DSCAM: variants seen among roughly 807,000 people sequenced by gnomAD.
DSCAM encodes cell adhesion molecule DSCAM.
A neutral mutation model predicts 217.7 loss-of-function variants in DSCAM; 47 were observed. The ratio of observed to expected loss-of-function variants is 0.22; its 90% confidence interval spans 0.17 to 0.28. DSCAM has a LOEUF of 0.28. Ranked by LOEUF, DSCAM falls within the 10% of genes least tolerant of loss-of-function variation. The pLI is 1.00. For missense variants in DSCAM, 2,080 were observed against 2,618.3 expected (o/e 0.79, Z 4.49); for synonymous variants, 1,056 against 1,015.3 (o/e 1.04, Z -0.76).
rs57564776 is a variant in DSCAM, at chr21:40,493,863, C to CAAA, written c.509-124621_509-124619dup. On this transcript the variant is annotated intron_variant, in intron 3 of 32. Transcript: ENST00000400454. ...GGGCAACAAGAGCAAAACTCCATCT[C>CAAA]AAAAAAAAAAAAAAAAATATATACA... Among the ~76,000 whole-genome samples, 94 of 125,400 alleles carry CAAA rather than the reference C, an allele frequency of 7.5e-4. 2 individuals carry two copies. The highest frequency in any genetic ancestry group is 7.0e-3 in the East Asian group (28 of 3,988). 82.3% of individuals were successfully genotyped at this position (125,400 alleles called of 152,430 possible). A position where few individuals can be genotyped will look rare whatever the true frequency, so the allele number is the denominator to read the frequency against.
intron 3 of DSCAM, among the ~76,000 whole-genome samples, chr21:40,636,175 A>C (rs1257612071): frequency 6.6e-6 from 1 of 152,168 alleles, no homozygotes; most frequent in Admixed American, 6.5e-5. Flanking sequence ...AGCACTCGCT[A>C]TCTCTGCTGC....
intron 19 of DSCAM, among the ~76,000 whole-genome samples, chr21:40,128,229 A>G (rs2090116965): frequency 6.7e-6 from 1 of 148,206 alleles, no homozygotes; most frequent in African/African-American, 2.5e-5. Context: ...TCTGGAACAT[A>G]CTAGATCCTC....
At chr21:40,841,473 GAGATA>G (rs2092100903) in intron 1 of DSCAM, among the ~76,000 whole-genome samples, 1 of 152,218 alleles carries the variant, frequency 6.6e-6, no homozygotes, top group African/African-American at 2.4e-5. Context: ...GGGGCGCGGA[GAGATA>G]AGATGAGCAT....
At chr21:40,306,952 C>T (rs1348555122) in intron 9 of DSCAM, among the ~76,000 whole-genome samples, 1 of 152,050 alleles carries the variant, frequency 6.6e-6, no homozygotes, top group African/African-American at 2.4e-5. Flanking sequence ...TGACGCTGGC[C>T]TCATAAAATG....
intron 1 of DSCAM, among the ~76,000 whole-genome samples, chr21:40,815,405 G>C (rs565116520): frequency 4.3e-4 from 66 of 152,258 alleles, no homozygotes; most frequent in African/African-American, 9.9e-4. Context: ...CAAGAACCTA[G>C]TCAGCAAATA....
At chr21:40,487,956 C>A (rs2076044251) in intron 3 of DSCAM, among the ~76,000 whole-genome samples, 1 of 152,148 alleles carries the variant, frequency 6.6e-6, no homozygotes, top group Non-Finnish European at 1.5e-5. Flanking sequence ...CTAGATGGCA[C>A]TTCGCAAACT....
At chr21:40,323,485 G>A (rs753782059) in intron 8 of DSCAM, among the ~76,000 whole-genome samples, 6 of 152,058 alleles carry the variant, frequency 3.9e-5, no homozygotes. Flanking sequence ...AAAGTATCTT[G>A]TTATTTTCCC....
intron 3 of DSCAM, among the ~76,000 whole-genome samples, chr21:40,492,226 T>C (rs1345161049): frequency 1.3e-5 from 2 of 152,182 alleles, no homozygotes; most frequent in Non-Finnish European, 2.9e-5. Flanking sequence ...TTATAGATAA[T>C]GAGGATAAGT....
At chr21:40,268,170 A>T (rs2073565974) in intron 11 of DSCAM, among the ~76,000 whole-genome samples, 1 of 152,164 alleles carries the variant, frequency 6.6e-6, no homozygotes, top group Admixed American at 6.5e-5. Flanking sequence ...TATGTTATAT[A>T]CCCATCTCCA....
rs36229663 is a variant in DSCAM, at chr21:40,843,368, A to ATGTGTG, written c.43+3245_43+3250dup. ...AAAAGATGATGTCAGGAATGCATGC[A>ATGTGTG]TGTGTGTGTGTGTGTGTGTGTGTGT... On this transcript the variant is annotated intron_variant, in intron 1 of 32. Transcript: ENST00000400454. Among the ~76,000 whole-genome samples, 839 of 146,152 alleles carry ATGTGTG rather than the reference A, an allele frequency of 5.7e-3. 3 individuals are homozygous for ATGTGTG. The highest frequency in any genetic ancestry group is 0.017 in the Middle Eastern group (5 of 288).
Position 40,013,134 on chromosome 21 carries a change from C to T in DSCAM, c.5939G>A (p.Gly1980Glu), listed in dbSNP as rs1420446308. 1 of 1,612,394 alleles carries T rather than the reference C, an allele frequency of 6.2e-7. No homozygotes were observed. The highest frequency in any genetic ancestry group is 1.3e-5 in the African/African-American group (1 of 74,886). ...TLPQREGAELGQAAKMSSSQE... is the reference protein window; with the variant it reads ...TLPQREGAELEQAAKMSSSQE... ...GGAGCTGCTCATTTTAGCTGCCTGT[C>T]CCAGCTCTGCTCCCTCCCGCTGAGG... The change falls in exon 33 of 33, where the codon GGA becomes GAA. Residue 1980 changes from glycine to glutamate, a missense_variant. Around this residue, in one of 5 missense-constraint regions of DSCAM, gnomAD observed 145 missense variants for 138.5 expected, o/e 1.05. Coordinates refer to ENST00000400454, the MANE Select transcript of DSCAM (RefSeq NM_001389.5).
intron 9 of DSCAM, among the ~76,000 whole-genome samples, chr21:40,302,091 A>G (rs1341893828): frequency 2.6e-5 from 4 of 152,164 alleles, no homozygotes; most frequent in African/African-American, 9.7e-5. Flanking sequence ...TTTTTTAAAG[A>G]TGATATTTAG....
chr21:40,420,753 C>G (rs2075416184), intron 3 of DSCAM, among the ~76,000 whole-genome samples: 1 of 152,106 alleles, frequency 6.6e-6, no homozygotes, highest in Non-Finnish European at 1.5e-5. Context: ...TGCCATGTGA[C>G]CCTGAAGGCA....
chr21:40,528,973 G>A (rs201571475), intron 3 of DSCAM, among the ~76,000 whole-genome samples: 247 of 143,664 alleles, frequency 1.7e-3, no homozygotes, highest in African/African-American at 5.7e-3. Context: ...GTGCAATCTC[G>A]GCTCACTGCA....
intron 3 of DSCAM, among the ~76,000 whole-genome samples, chr21:40,558,980 T>C (rs1472269185): frequency 2.0e-5 from 3 of 152,210 alleles, no homozygotes. Context: ...ACAGTCACAT[T>C]TTCTTCTGAC....
chr21:40,727,777 G>A (rs1405202244), intron 1 of DSCAM, among the ~76,000 whole-genome samples: 1 of 152,142 alleles, frequency 6.6e-6, no homozygotes. Context: ...TCTGTTCTGA[G>A]CTTTTGAGGA....
intron 32 of DSCAM, among the ~76,000 whole-genome samples, chr21:40,022,504 T>C (rs1013304134): frequency 1.3e-5 from 2 of 152,226 alleles, no homozygotes; most frequent in Non-Finnish European, 2.9e-5. Context: ...AGCCTCAGAA[T>C]ACTAGTCCAC....
intron 11 of DSCAM, among the ~76,000 whole-genome samples, chr21:40,237,053 A>G (rs574122930): frequency 1.3e-5 from 2 of 152,330 alleles, no homozygotes; most frequent in African/African-American, 4.8e-5. Context: ...TGCTGAACAA[A>G]CACTGCAACA....
At chr21:40,049,474 G>A (rs964370516) in intron 30 of DSCAM, among the ~76,000 whole-genome samples, 4 of 152,010 alleles carry the variant, frequency 2.6e-5, no homozygotes, top group Admixed American at 1.3e-4. Context: ...TGCTCCACAC[G>A]CCCGCTGACT....
Sources: gnomAD v4.1 joint callset for allele counts (sites outside exome capture counted in the v4.1 genomes callset) on GRCh38, gnomAD v4.1.1 for gene constraint, gnomAD v4.1.1 regional missense constraint, MANE v1.5 for transcripts, NCBI Gene and HGNC (gene_info 2026-07-23, HGNC 2026-07-21) for gene names.